The following WASHC3 variants were observed in gnomAD, a reference collection of about 807,000 sequenced individuals.
WASHC3 encodes WASH complex subunit 3.
A neutral mutation model predicts 26.1 loss-of-function variants in WASHC3; 24 were observed. That is an observed-to-expected ratio of 0.92 (90% CI 0.66 to 1.29). The LOEUF is 1.29. Ranked by LOEUF, WASHC3 falls within the 50% of genes most tolerant of loss-of-function variation. The pLI is 0.00. For synonymous variants in WASHC3, 77 were observed against 75.7 expected (o/e 1.02, Z -0.09); for missense variants, 214 against 229.6 (o/e 0.93, Z 0.44).
intron 6 of WASHC3, among the ~76,000 whole-genome samples, chr12:102,024,945 A>C (rs1462265748): frequency 6.6e-6 from 1 of 152,196 alleles, no homozygotes; most frequent in Non-Finnish European, 1.5e-5. Flanking sequence ...CAAGCTGCCA[A>C]GCTATGCCAT....
chr12:102,014,597 G>T (rs1876619300), intron 6 of WASHC3, among the ~76,000 whole-genome samples: 1 of 152,034 alleles, frequency 6.6e-6, no homozygotes, highest in Admixed American at 6.6e-5. Context: ...AAATAATGCT[G>T]GCATTGCTCC....
intron 2 of WASHC3, among the ~76,000 whole-genome samples, chr12:102,047,718 GAAGGAAACACAA>G (rs1350372767): frequency 6.6e-6 from 1 of 152,094 alleles, no homozygotes; most frequent in Admixed American, 6.6e-5. Context: ...TGGTTTGATT[GAAGGAAACACAA>G]AAGGAAACAA....
intron 1 of WASHC3, 134 bp downstream of exon 1, chr12:102,061,778 G>T: frequency 3.0e-6 from 2 of 670,444 alleles, no homozygotes; most frequent in Non-Finnish European, 5.0e-6. Flanking sequence ...CCCTCCTGAG[G>T]CCCCACAGGC....
chr12:102,041,783 A>G (rs953882486), intron 4 of WASHC3, among the ~76,000 whole-genome samples: 8 of 152,112 alleles, frequency 5.3e-5, no homozygotes, highest in Non-Finnish European at 8.8e-5. Flanking sequence ...ACACAATTTT[A>G]TCACAGTATT....
At chr12:102,039,121 G>T (rs950913062) in intron 5 of WASHC3, among the ~76,000 whole-genome samples, 1 of 144,502 alleles carries the variant, frequency 6.9e-6, no homozygotes, top group Non-Finnish European at 1.5e-5. Context: ...CCATCATATG[G>T]AGTTAGGTTT....
intron 5 of WASHC3, 33 bp downstream of exon 5, chr12:102,039,835 G>A: frequency 1.0e-6 from 1 of 1,000,678 alleles, no homozygotes; most frequent in Non-Finnish European, 1.6e-6. Flanking sequence ...AAGTGAGGCT[G>A]CTACACAAAG....
rs527928008 is a variant in WASHC3 at position 102,036,564 on chromosome 12, G to A, written c.435+3304C>T. ...CTTGAAAATCACCCCTAAACAATTC[G>A]AAACAGAATATGACCTCCAACTTTA... On this transcript the variant is annotated intron_variant, in intron 5 of 6. Coordinates refer to ENST00000240079, the MANE Select transcript of WASHC3 (RefSeq NM_016053.4). Among the ~76,000 whole-genome samples, 10 of 152,010 alleles carry A rather than the reference G, an allele frequency of 6.6e-5. No individual in the cohort carries two copies. The South Asian group carries it at 1.9e-3, about 28-fold the overall frequency.
At chr12:102,050,007 A>T (rs1378090990) in intron 2 of WASHC3, among the ~76,000 whole-genome samples, 4 of 152,190 alleles carry the variant, frequency 2.6e-5, no homozygotes, top group Non-Finnish European at 5.9e-5. Flanking sequence ...AAAATTATTT[A>T]AAAATCCAGT....
At chr12:102,023,312 G>T (rs964622031) in intron 6 of WASHC3, among the ~76,000 whole-genome samples, 4 of 151,870 alleles carry the variant, frequency 2.6e-5, no homozygotes, top group African/African-American at 9.7e-5. Flanking sequence ...CCTCAGTTTT[G>T]CCCTTTGCTC....
intron 2 of WASHC3, among the ~76,000 whole-genome samples, chr12:102,047,560 C>T (rs1046377090): frequency 2.6e-5 from 4 of 152,110 alleles, no homozygotes; most frequent in Non-Finnish European, 5.9e-5. Context: ...GAATGAATCC[C>T]TCTCCAAATT....
intron 4 of WASHC3, among the ~76,000 whole-genome samples, chr12:102,041,293 A>C (rs1412677618): frequency 1.3e-5 from 2 of 152,002 alleles, no homozygotes; most frequent in Non-Finnish European, 2.9e-5. Flanking sequence ...GCCAGATATC[A>C]ATTCTCAGTC....
intron 5 of WASHC3, among the ~76,000 whole-genome samples, chr12:102,037,180 C>T (rs1328825184): frequency 6.6e-6 from 1 of 152,068 alleles, no homozygotes; most frequent in African/African-American, 2.4e-5. Context: ...TCACCTAAAC[C>T]TATCAAAAGG....
At chr12:102,034,205 C>A (rs1403953419) in intron 5 of WASHC3, among the ~76,000 whole-genome samples, 5 of 152,006 alleles carry the variant, frequency 3.3e-5, no homozygotes. Context: ...AGAATTGAAC[C>A]ACATTTTCAG....
At chr12:102,043,238 G>C (rs530890382) in intron 4 of WASHC3, among the ~76,000 whole-genome samples, 1 of 152,212 alleles carries the variant, frequency 6.6e-6, no homozygotes, top group African/African-American at 2.4e-5. Context: ...GTAACAAGGG[G>C]TTAGACAATA....
intron 4 of WASHC3, 141 bp from the exon 5 acceptor site, chr12:102,040,119 AT>A: frequency 2.5e-6 from 1 of 399,114 alleles, no homozygotes. Flanking sequence ...AATACCAATA[AT>A]TTAATATGAG....
chr12:102,032,860 C>G (rs1877493384), intron 5 of WASHC3, among the ~76,000 whole-genome samples: 1 of 152,016 alleles, frequency 6.6e-6, no homozygotes, highest in African/African-American at 2.4e-5. Flanking sequence ...GAAAGAACAA[C>G]TTTTCTTTCA....
chr12:102,030,925 TAACA>T (rs896477159), intron 5 of WASHC3, among the ~76,000 whole-genome samples: 2 of 152,176 alleles, frequency 1.3e-5, no homozygotes, highest in African/African-American at 4.8e-5. Flanking sequence ...TACTGCCCTC[TAACA>T]AACATTTATA....
intron 6 of WASHC3, among the ~76,000 whole-genome samples, chr12:102,019,843 G>A (rs991625828): frequency 1.3e-5 from 2 of 152,244 alleles, no homozygotes; most frequent in African/African-American, 2.4e-5. Context: ...ATACAAAGGC[G>A]CAGCAGGAAG....
At chr12:102,040,121 TTAATA>T (rs1877882136) in intron 4 of WASHC3, 143 bp from the exon 5 acceptor site, 2 of 398,324 alleles carry the variant, frequency 5.0e-6, no homozygotes, top group African/African-American at 4.1e-5. Flanking sequence ...TACCAATAAT[TTAATA>T]TGAGATATGT....
Sources: allele counts gnomAD v4.1 joint callset (sites outside exome capture counted in the v4.1 genomes callset), GRCh38; gene constraint gnomAD v4.1.1; transcripts MANE v1.5; gene names NCBI Gene and HGNC (gene_info 2026-07-23, HGNC 2026-07-21).